Variants in SLC30A7 observed in about 807,000 individuals in gnomAD.
The protein encoded by SLC30A7 is solute carrier family 30 member 7, also known as zinc transporter 7.
A neutral mutation model predicts 46.0 loss-of-function variants in SLC30A7; 35 were observed. The ratio of observed to expected loss-of-function variants is 0.76; its 90% CI spans 0.58 to 1.01. The LOEUF (loss-of-function observed/expected upper bound fraction) is 1.01, where lower values mean the gene tolerates loss of function less well. SLC30A7 is among the 50% of genes least tolerant of loss of function. SLC30A7 has a pLI of 0.00. For missense variants in SLC30A7, 464 were observed against 451.1 expected (o/e 1.03, Z -0.26); for synonymous variants, 147 against 157.8 (o/e 0.93, Z 0.51).
chr1:100,923,000 A>G (rs1653041123), intron 8 of SLC30A7, among the ~76,000 whole-genome samples: 1 of 135,372 alleles, frequency 7.4e-6, no homozygotes. Context: ...GTTTGTTAGA[A>G]TAGATTTTTT....
At chr1:100,994,588 G>A in the SLC30A7 span, among the ~76,000 whole-genome samples, 47 of 150,704 alleles carry the variant, frequency 3.1e-4, no homozygotes, top group Admixed American at 1.7e-3. Context: ...GTGCAGTGGC[G>A]TGATCTCAGC....
the SLC30A7 span, among the ~76,000 whole-genome samples, chr1:100,993,772 C>T: frequency 6.6e-6 from 1 of 150,808 alleles, no homozygotes; most frequent in African/African-American, 2.4e-5. Context: ...AAGACAGTCT[C>T]ACTCTGTTGC....
Position 100,964,863 on chromosome 1 carries a change from A to G in SLC30A7, c.934-906A>G, listed in dbSNP as rs569024793. Among the ~76,000 whole-genome samples the G allele has an allele frequency of 9.2e-5, 14 of 152,298 alleles. No homozygotes were observed. In the East Asian group the frequency reaches 2.7e-3, roughly 29 times the overall value. On this transcript the variant is annotated intron_variant, in intron 9 of 10. Transcript: ENST00000357650. ...TCAGAGTCCAAAAAGAGGAAGAAAA[A>G]GTACACCTTGATCTTTTTCCCCAAT...
At chr1:100,969,254 C>CT (rs1309248188) in intron 10 of SLC30A7, among the ~76,000 whole-genome samples, 1 of 152,168 alleles carries the variant, frequency 6.6e-6, no homozygotes, top group African/African-American at 2.4e-5. Context: ...CTTACACCTT[C>CT]TACATGTTTC....
At chr1:100,916,142 T>A (rs965918274) in intron 6 of SLC30A7, among the ~76,000 whole-genome samples, 1 of 151,790 alleles carries the variant, frequency 6.6e-6, no homozygotes, top group Admixed American at 6.6e-5. Flanking sequence ...ATTTTTTTAT[T>A]TTTAATTTTT....
At chr1:100,916,125 T>G (rs1652526806) in intron 6 of SLC30A7, among the ~76,000 whole-genome samples, 1 of 151,866 alleles carries the variant, frequency 6.6e-6, no homozygotes, top group Non-Finnish European at 1.5e-5. Context: ...TTTTATTTTT[T>G]TAATAAATTT....
chr1:100,914,944 T>A (rs1450054101), intron 6 of SLC30A7, among the ~76,000 whole-genome samples: 2 of 151,752 alleles, frequency 1.3e-5, no homozygotes, highest in Non-Finnish European at 2.9e-5. Context: ...AAAAAAAAAA[T>A]TTCTAACTAC....
chr1:100,939,232 G>T (rs1307184355), intron 8 of SLC30A7, among the ~76,000 whole-genome samples: 4 of 152,052 alleles, frequency 2.6e-5, no homozygotes, highest in Admixed American at 1.3e-4. Context: ...CTTAGAAATT[G>T]GAGCAATGGT....
chr1:100,988,871 T>A, the SLC30A7 span, among the ~76,000 whole-genome samples: 1 of 151,278 alleles, frequency 6.6e-6, no homozygotes, highest in South Asian at 2.1e-4. Flanking sequence ...AATAAATAAA[T>A]AAAAAATAAT....
intron 9 of SLC30A7, 71 bp downstream of exon 9, chr1:100,961,989 A>G: frequency 1.1e-6 from 1 of 909,862 alleles, no homozygotes; most frequent in South Asian, 1.6e-5. Context: ...GCTTTCACAA[A>G]TATGGGTAAC....
rs1414760195 is a variant in SLC30A7 at position 100,979,893 on chromosome 1, T to A, written c.*5036T>A. On this transcript the variant is annotated 3_prime_UTR_variant, in exon 11 of 11. Coordinates refer to ENST00000357650, the MANE Select transcript of SLC30A7 (RefSeq NM_133496.5). ...GCAGTGCTTCAAAGATCCAAGAAGC[T>A]GTAGCAGATCTCAATACACTCTCCT... The A allele has an allele frequency of 1.3e-5, 2 of 152,118 alleles. No homozygotes were observed. The highest frequency in any genetic ancestry group is 2.9e-5 in the Non-Finnish European group (2 of 67,978). The allele number at this position is 152,118 out of a possible 1,614,324, so 9.4% of individuals were successfully genotyped here.
At position 100,981,178 on chromosome 1, in the gene SLC30A7, A is replaced by G. The variant is rs1174191684; in HGVS notation, c.*6321A>G. On this transcript the variant is annotated 3_prime_UTR_variant, in exon 11 of 11. Transcript: ENST00000357650. ...TTTGAATTTTGTTTATGTATCACAT[A>G]CTGTGCTACAGTTAGCCTCAATGAA... 6.6e-6 allele frequency: 1 copy of G among 152,110 alleles called. No individual in the cohort carries two copies. The highest frequency in any genetic ancestry group is 1.5e-5 in the Non-Finnish European group (1 of 67,976). 9.4% of individuals were successfully genotyped at this position (152,110 alleles called of 1,614,324 possible). A position where few individuals can be genotyped will look rare whatever the true frequency, so the allele number is the denominator to read the frequency against.
At chr1:100,899,575 A>G (rs1310105569) in intron 2 of SLC30A7, among the ~76,000 whole-genome samples, 2 of 152,180 alleles carry the variant, frequency 1.3e-5, no homozygotes, top group Non-Finnish European at 2.9e-5. Flanking sequence ...TCTCAGCTAC[A>G]TGGAGGCTGA....
the SLC30A7 span, among the ~76,000 whole-genome samples, chr1:100,991,863 TTGGGAGGCTGAGG>T: frequency 1.3e-5 from 2 of 151,322 alleles, no homozygotes; most frequent in South Asian, 2.1e-4. Flanking sequence ...TTGGGAGGCT[TTGGGAGGCTGAGG>T]TGGGAGGATT....
chr1:100,911,160 A>G lies in SLC30A7; in HGVS notation c.384+10A>G. On this transcript the variant is annotated intron_variant, in intron 4 of 10. Transcript: ENST00000357650. ...CTCAGAAGGAGTTGAGGTATAGTAG[A>G]TAATTATTAAAGTCAGTAAATTACA... is the stretch of plus-strand genomic sequence containing the variant. 1 of 1,541,602 alleles carries G rather than the reference A, an allele frequency of 6.5e-7. No homozygotes were observed. Among genetic ancestry groups the G allele is most frequent in the Non-Finnish European group, 8.9e-7 (1 of 1,122,492 alleles).
intron 2 of SLC30A7, among the ~76,000 whole-genome samples, chr1:100,897,349 A>G (rs751717198): frequency 2.6e-5 from 4 of 152,076 alleles, no homozygotes; most frequent in Non-Finnish European, 4.4e-5. Context: ...TGAAGTTACT[A>G]TTATTCAGGT....
At chr1:100,944,719 T>G (rs186072965) in intron 8 of SLC30A7, among the ~76,000 whole-genome samples, 4 of 146,804 alleles carry the variant, frequency 2.7e-5, no homozygotes, top group African/African-American at 1.0e-4. Flanking sequence ...TGATGGACAT[T>G]TGGGTTGGTT....
At chr1:100,994,432 A>C in the SLC30A7 span, among the ~76,000 whole-genome samples, 1 of 152,152 alleles carries the variant, frequency 6.6e-6, no homozygotes, top group African/African-American at 2.4e-5. Flanking sequence ...TCTAAGTAAA[A>C]AAGGATTAGT....
intron 8 of SLC30A7, among the ~76,000 whole-genome samples, chr1:100,936,272 TGGA>T (rs1653960936): frequency 6.6e-6 from 1 of 152,182 alleles, no homozygotes; most frequent in African/African-American, 2.4e-5. Flanking sequence ...TGGTCAGTTT[TGGA>T]ATGAGTACCT....
Sources: gnomAD v4.1 joint callset for allele counts (sites outside exome capture counted in the v4.1 genomes callset) on GRCh38, gnomAD v4.1.1 for gene constraint, MANE v1.5 for transcripts, NCBI Gene and HGNC (gene_info 2026-07-23, HGNC 2026-07-21) for gene names.